Variants in RBFOX1 observed in about 807,000 individuals in gnomAD.
RBFOX1 encodes the protein RNA binding protein fox-1 homolog 1.
In RBFOX1, 8 loss-of-function variants were observed where a neutral mutation model predicts 57.7. That is an observed-to-expected ratio of 0.14 (90% confidence interval 0.08 to 0.25). RBFOX1 has a LOEUF of 0.25. RBFOX1 is among the 10% of genes least tolerant of loss of function. The probability of loss-of-function intolerance (pLI) is 1.00; values close to 1 mark genes in which losing one functional copy is unlikely to be tolerated. For synonymous variants in RBFOX1, 326 were observed against 222.4 expected (o/e 1.47, Z -4.15); for missense variants, 611 against 548.5 (o/e 1.11, Z -1.14).
intron 3 of RBFOX1, among the ~76,000 whole-genome samples, chr16:7,021,572 TATAAAATATATAAAA>T (rs1372641118): frequency 6.9e-6 from 1 of 145,826 alleles, no homozygotes. Context: ...TATTATATTT[TATAAAATATATAAAA>T]GTAAAATATT....
intron 4 of RBFOX1, among the ~76,000 whole-genome samples, chr16:5,880,270 C>T (rs544332441): frequency 4.0e-4 from 61 of 152,292 alleles, no homozygotes; most frequent in African/African-American, 1.3e-3. Context: ...TCAGCATTCA[C>T]CCCAAAATCT....
intron 4 of RBFOX1, among the ~76,000 whole-genome samples, chr16:7,453,425 C>A (rs527761253): frequency 2.6e-5 from 4 of 152,164 alleles, no homozygotes; most frequent in Non-Finnish European, 5.9e-5. Context: ...CATGGTCTTG[C>A]CGGCCATGAT....
chr16:6,443,139 A>G (rs2094419750), intron 2 of RBFOX1, among the ~76,000 whole-genome samples: 1 of 152,178 alleles, frequency 6.6e-6, no homozygotes. Context: ...TGTTTTTCAC[A>G]TAGGCCTGGG....
intron 1 of RBFOX1, among the ~76,000 whole-genome samples, chr16:6,065,495 G>A (rs1364575550): frequency 6.6e-6 from 1 of 152,094 alleles, no homozygotes; most frequent in Admixed American, 6.6e-5. Context: ...TATCATTGCG[G>A]TTTCCACTCA....
intron 1 of RBFOX1, among the ~76,000 whole-genome samples, chr16:6,249,672 C>G (rs1379536025): frequency 6.6e-6 from 1 of 151,910 alleles, no homozygotes; most frequent in Admixed American, 6.6e-5. Context: ...GAGATCTAGC[C>G]AGGGCATCCA....
At chr16:6,859,130 C>T (rs8062080) in intron 3 of RBFOX1, among the ~76,000 whole-genome samples, 7,298 of 80,146 alleles carry the variant, frequency 0.091, 760 homozygotes, top group African/African-American at 0.2. Flanking sequence ...TATATATATA[C>T]ATATATATAC....
At chr16:6,880,541 C>G (rs17235672) in intron 3 of RBFOX1, among the ~76,000 whole-genome samples, 2 of 152,124 alleles carry the variant, frequency 1.3e-5, no homozygotes, top group South Asian at 2.1e-4. Context: ...TCAGGTTAGA[C>G]AGCTTCAGAC....
At chr16:7,211,774 C>T (rs914060573) in intron 4 of RBFOX1, among the ~76,000 whole-genome samples, 3 of 152,180 alleles carry the variant, frequency 2.0e-5, no homozygotes, top group African/African-American at 7.2e-5. Flanking sequence ...GGGATTCAAG[C>T]CCCCTGTCTC....
intron 1 of RBFOX1, among the ~76,000 whole-genome samples, chr16:6,260,849 C>T (rs1280323042): frequency 6.6e-6 from 1 of 151,972 alleles, no homozygotes; most frequent in Admixed American, 6.6e-5. Context: ...TGACTTCCTT[C>T]CAGCCTGGGC....
intron 5 of RBFOX1, among the ~76,000 whole-genome samples, chr16:7,534,069 G>T (rs76054104): frequency 6.7e-6 from 1 of 148,368 alleles, no homozygotes; most frequent in African/African-American, 2.4e-5. Context: ...CATGTCAAAG[G>T]TCCCAACGTT....
intron 3 of RBFOX1, among the ~76,000 whole-genome samples, chr16:6,764,994 C>G (rs1277403098): frequency 2.0e-5 from 3 of 151,394 alleles, no homozygotes; most frequent in Non-Finnish European, 4.4e-5. Context: ...AATGGAGAAT[C>G]ATAATGTGTG....
At chr16:7,608,128 T>G (rs1048224112) in intron 10 of RBFOX1, among the ~76,000 whole-genome samples, 12 of 152,238 alleles carry the variant, frequency 7.9e-5, no homozygotes, top group Non-Finnish European at 1.2e-4. Flanking sequence ...AAAGAAGTCT[T>G]TCTTTGATGT....
At chr16:7,399,886 CA>C (rs1470241694) in intron 4 of RBFOX1, among the ~76,000 whole-genome samples, 1 of 152,168 alleles carries the variant, frequency 6.6e-6, no homozygotes, top group Non-Finnish European at 1.5e-5. Flanking sequence ...CATGGAGAAA[CA>C]GTTCATTTTA....
chr16:6,996,525 A>C (rs1165404509), intron 3 of RBFOX1, among the ~76,000 whole-genome samples: 1 of 152,202 alleles, frequency 6.6e-6, no homozygotes, highest in South Asian at 2.1e-4. Context: ...TAGGGCTTGC[A>C]TACATTGTAG....
At chr16:6,704,458 C>G (rs1344110666) in intron 3 of RBFOX1, 1 of 152,326 alleles carries the variant, frequency 6.6e-6, no homozygotes, top group Non-Finnish European at 1.5e-5. Context: ...GGGCTCAGGA[C>G]TTTCCTCTTC....
intron 2 of RBFOX1, among the ~76,000 whole-genome samples, chr16:6,444,228 G>A (rs2094441759): frequency 6.6e-6 from 1 of 152,136 alleles, no homozygotes; most frequent in Non-Finnish European, 1.5e-5. Flanking sequence ...AGCAGGAACA[G>A]TGTCTGCTTA....
Position 5,528,011 on chromosome 16 carries a change from T to A in RBFOX1, c.258+60757T>A, listed in dbSNP as rs563981983. ...CCCCTCAGAGCACCTAATAGCTCAC[T>A]CCTAGTCATTATACATCACTAATGG... On this transcript the variant is annotated intron_variant, in intron 2 of 2. Coordinates refer to the RBFOX1 transcript ENST00000585867. 8.5e-5 allele frequency among the ~76,000 whole-genome samples: 13 copies of A among 152,334 alleles called. No homozygotes were observed. The South Asian group carries it at 2.5e-3, about 29-fold the overall frequency.
intron 3 of RBFOX1, among the ~76,000 whole-genome samples, chr16:6,780,662 T>C (rs2154234754): frequency 6.7e-6 from 1 of 149,054 alleles, no homozygotes; most frequent in East Asian, 1.9e-4. Flanking sequence ...TATATATCTA[T>C]ATTGCCTGTT....
In RBFOX1 at chr16:6,659,271, C is replaced by G. The variant is rs187138355; in HGVS notation, c.-16+4621C>G. 8.2e-4 allele frequency among the ~76,000 whole-genome samples: 124 copies of G among 151,878 alleles called. 1 individual carries two copies. Among genetic ancestry groups the G allele is most frequent in the Non-Finnish European group, 1.2e-4 (8 of 67,942 alleles). ...AAACACAGACAGGGCTTCCTCTTCT[C>G]ACTTATCGCCTGGCCTGGTGCAGCT... On this transcript the variant is annotated intron_variant, in intron 3 of 15. Transcript: ENST00000550418.
Sources: gnomAD v4.1 joint callset for allele counts (sites outside exome capture counted in the v4.1 genomes callset) on GRCh38, gnomAD v4.1.1 for gene constraint, MANE v1.5 for transcripts, NCBI Gene and HGNC (gene_info 2026-07-23, HGNC 2026-07-21) for gene names.